Variants in NDUFAF7 observed in about 807,000 individuals in gnomAD.
NDUFAF7 encodes the protein protein arginine methyltransferase NDUFAF7, mitochondrial.
A neutral mutation model predicts 47.2 loss-of-function variants in NDUFAF7; 48 were observed. The ratio of observed to expected loss-of-function variants is 1.02; its 90% CI spans 0.81 to 1.29. NDUFAF7 has a LOEUF of 1.29. NDUFAF7 is among the 50% of genes most tolerant of loss of function. NDUFAF7 has a pLI of 0.00. For synonymous variants in NDUFAF7, 217 were observed against 190.0 expected (o/e 1.14, Z -1.17); for missense variants, 635 against 537.6 (o/e 1.18, Z -1.79).
At chr2:37,242,559 T>G in intron 5 of NDUFAF7, 76 bp from the exon 6 acceptor site, 1 of 1,235,244 alleles carries the variant, frequency 8.1e-7, no homozygotes, top group Non-Finnish European at 1.2e-6. Context: ...GTAGGCATTT[T>G]TTTTACAGTT....
chr2:37,234,285 T>A (rs570376689), intron 2 of NDUFAF7, among the ~76,000 whole-genome samples: 1 of 152,110 alleles, frequency 6.6e-6, no homozygotes, highest in East Asian at 1.9e-4. Context: ...GGAGATCGGG[T>A]TTTGCCTTGT....
At chr2:37,266,647 C>T in the NDUFAF7 span, among the ~76,000 whole-genome samples, 5 of 152,072 alleles carry the variant, frequency 3.3e-5, no homozygotes, top group East Asian at 1.9e-4. Context: ...CCACCGTGCC[C>T]GGCCTAGTTT....
the NDUFAF7 span, among the ~76,000 whole-genome samples, chr2:37,262,877 A>C: frequency 6.6e-6 from 1 of 151,326 alleles, no homozygotes; most frequent in African/African-American, 2.4e-5. Context: ...GAGATGAGCA[A>C]AGTATCCTAA....
At chr2:37,243,666 T>C (rs1666597702) in intron 6 of NDUFAF7, among the ~76,000 whole-genome samples, 197 bp from the exon 7 acceptor site, 1 of 152,180 alleles carries the variant, frequency 6.6e-6, no homozygotes, top group East Asian at 1.9e-4. Flanking sequence ...GCGTCATCTC[T>C]GTTATTGTTT....
chr2:37,237,669 A>G, intron 3 of NDUFAF7, 88 bp from the exon 4 acceptor site: 1 of 1,021,934 alleles, frequency 9.8e-7, no homozygotes. Context: ...TTTGGCATAT[A>G]GTGCATATTT....
intron 3 of NDUFAF7, among the ~76,000 whole-genome samples, chr2:37,236,983 T>G (rs1035671795): frequency 1.3e-5 from 2 of 152,156 alleles, no homozygotes; most frequent in Non-Finnish European, 2.9e-5. Flanking sequence ...ATTTATCTAT[T>G]TTTTGAGCCA....
Position 37,243,894 on chromosome 2 carries a change from T to C in NDUFAF7, c.713T>C (p.Val238Ala), listed in dbSNP as rs773597548. ...CCACAGGGATGGCGAGAAGTATTTG[T>C]TGACATTGATCCACAGGTTTCTGAT... Reference protein sequence around the residue: ...KTPQGWREVFVDIDPQVSDKL... With the variant: ...KTPQGWREVFADIDPQVSDKL... Residue 238 changes from valine to alanine, a missense_variant, in exon 7 of 10, where the codon GTT (valine) becomes GCT (alanine). Coordinates refer to ENST00000002125, the MANE Select transcript of NDUFAF7 (RefSeq NM_144736.5). 1 of 1,614,096 alleles carries C rather than the reference T, an allele frequency of 6.2e-7. No homozygotes were observed. Among genetic ancestry groups the C allele is most frequent in the South Asian group, 1.1e-5 (1 of 91,082 alleles).
downstream of NDUFAF7, chr2:37,254,215 G>A (rs770450325): frequency 5.0e-6 from 8 of 1,609,852 alleles, no homozygotes; most frequent in Non-Finnish European, 6.8e-6. Flanking sequence ...TGTAGCCAGG[G>A]ATGACTAAGA....
chr2:37,235,986 T>C, intron 2 of NDUFAF7, 110 bp from the exon 3 acceptor site: 1 of 978,474 alleles, frequency 1.0e-6, no homozygotes, highest in Non-Finnish European at 1.6e-6. Context: ...GAGAGAACTT[T>C]CTTACTAAAT....
At chr2:37,249,618 C>T (rs1210871252), downstream of NDUFAF7, among the ~76,000 whole-genome samples, 5 of 119,382 alleles carry the variant, frequency 4.2e-5, no homozygotes, top group African/African-American at 1.7e-4. Flanking sequence ...GGAGATCGCT[C>T]CGTTGCACTG....
At position 37,231,776 on chromosome 2, in the gene NDUFAF7, C is replaced by A; in HGVS notation, c.55+16C>A. The A allele has an allele frequency of 6.2e-7, 1 of 1,614,104 alleles. No homozygotes were observed. Among genetic ancestry groups the A allele is most frequent in the Non-Finnish European group, 8.5e-7 (1 of 1,180,014 alleles). On this transcript the variant is annotated intron_variant, in intron 1 of 9. Coordinates refer to ENST00000002125, the MANE Select transcript of NDUFAF7 (RefSeq NM_144736.5). ...GCGCGCGCAGGTAAGCGTCAGTCCCCTCGAAGCCCGGTTGCCGTGGAAGCC... is the reference window on the plus strand; with the variant it reads ...GCGCGCGCAGGTAAGCGTCAGTCCCATCGAAGCCCGGTTGCCGTGGAAGCC...
At position 37,245,134 on chromosome 2, in the gene NDUFAF7, A is replaced by G. The variant is rs148177295; in HGVS notation, c.793-918A>G. 2.8e-3 allele frequency among the ~76,000 whole-genome samples: 429 copies of G among 152,352 alleles called. 2 individuals are homozygous for G. The highest frequency in any genetic ancestry group is 9.9e-3 in the African/African-American group (411 of 41,582). On this transcript the variant is annotated intron_variant, in intron 7 of 9. Transcript: ENST00000002125. ...ATTTAATCCTCACAATAAACCTACAATATCTATAAGGAAGAAAACAACTCA... is the reference window on the plus strand; with the variant it reads ...ATTTAATCCTCACAATAAACCTACAGTATCTATAAGGAAGAAAACAACTCA...
chr2:37,269,720 T>G, the NDUFAF7 span: 1 of 1,424,218 alleles, frequency 7.0e-7, no homozygotes, highest in Non-Finnish European at 9.9e-7. Context: ...TAGTATTATT[T>G]ATTTCTATAA....
At chr2:37,259,705 T>G in the NDUFAF7 span, 1 of 1,539,290 alleles carries the variant, frequency 6.5e-7, no homozygotes, top group Admixed American at 1.7e-5. Flanking sequence ...AGATTTTCTT[T>G]TCAATGTCTG....
chr2:37,238,210 T>G (rs551817237), intron 4 of NDUFAF7, among the ~76,000 whole-genome samples: 16 of 152,184 alleles, frequency 1.1e-4, no homozygotes, highest in South Asian at 4.1e-4. Flanking sequence ...GGTGGGCAGA[T>G]CACAAGGTCA....
intron 8 of NDUFAF7, 41 bp from the exon 9 acceptor site, chr2:37,247,415 T>C (rs748189053): frequency 4.4e-6 from 7 of 1,608,170 alleles, no homozygotes; most frequent in Non-Finnish European, 6.0e-6. Flanking sequence ...TTAATCTTAA[T>C]AACCATAAAA....
At chr2:37,246,273 C>A in intron 8 of NDUFAF7, 78 bp downstream of exon 8, 1 of 1,475,982 alleles carries the variant, frequency 6.8e-7, no homozygotes, top group Non-Finnish European at 9.4e-7. Context: ...TTGATTTCTA[C>A]AGTGCCTGGT....
chr2:37,253,551 G>C, downstream of NDUFAF7: 1 of 477,794 alleles, frequency 2.1e-6, no homozygotes, highest in Non-Finnish European at 3.6e-6. Context: ...CAAACTCAGA[G>C]TCTCCAATGA....
At chr2:37,261,375 T>G in the NDUFAF7 span, among the ~76,000 whole-genome samples, 1 of 152,164 alleles carries the variant, frequency 6.6e-6, no homozygotes, top group Non-Finnish European at 1.5e-5. Flanking sequence ...TAAACCCAGC[T>G]ACTCGGGAGG....
Sources: allele counts gnomAD v4.1 joint callset (sites outside exome capture counted in the v4.1 genomes callset), GRCh38; gene constraint gnomAD v4.1.1; transcripts MANE v1.5; gene names NCBI Gene and HGNC (gene_info 2026-07-23, HGNC 2026-07-21).